RPS6KC1: variants seen among roughly 807,000 people sequenced by gnomAD.
The protein encoded by RPS6KC1 is inactive ribosomal protein S6 kinase delta-1.
In RPS6KC1, 54 loss-of-function variants were observed where a neutral mutation model predicts 103.8. That is an observed-to-expected ratio of 0.52 (90% CI 0.42 to 0.65). The LOEUF (loss-of-function observed/expected upper bound fraction) is 0.65. Among genes scored for constraint, RPS6KC1 ranks in the 30% least tolerant of loss-of-function variants. RPS6KC1 has a pLI of 0.00. For synonymous variants in RPS6KC1, 439 were observed against 438.7 expected (o/e 1.00, Z -0.01); for missense variants, 1,151 against 1,253.8 (o/e 0.92, Z 1.24).
the RPS6KC1 span, among the ~76,000 whole-genome samples, chr1:213,833,535 G>T: frequency 6.6e-6 from 1 of 152,192 alleles, no homozygotes; most frequent in Admixed American, 6.5e-5. Flanking sequence ...GTTTCTCTCT[G>T]TGTGTCTTTG....
chr1:213,257,844 C>T (rs2094687895), intron 12 of RPS6KC1, among the ~76,000 whole-genome samples: 1 of 119,932 alleles, frequency 8.3e-6, no homozygotes, highest in African/African-American at 3.2e-5. Context: ...TACTCTGTCG[C>T]CCAGGCTGGA....
the RPS6KC1 span, among the ~76,000 whole-genome samples, chr1:213,644,619 A>G: frequency 6.6e-6 from 1 of 152,134 alleles, no homozygotes; most frequent in African/African-American, 2.4e-5. Flanking sequence ...GGAATTATAA[A>G]GAATGTAGCC....
At chr1:213,538,626 A>G in the RPS6KC1 span, among the ~76,000 whole-genome samples, 1 of 152,276 alleles carries the variant, frequency 6.6e-6, no homozygotes, top group East Asian at 1.9e-4. Context: ...TTTCTGGAGC[A>G]GAAGGTCAGG....
chr1:213,791,782 A>G, the RPS6KC1 span, among the ~76,000 whole-genome samples: 2 of 152,202 alleles, frequency 1.3e-5, no homozygotes, highest in Non-Finnish European at 2.9e-5. Flanking sequence ...CAGAGGAGTC[A>G]GACCAAGAGT....
intron 12 of RPS6KC1, among the ~76,000 whole-genome samples, chr1:213,254,040 T>A (rs928424305): frequency 6.6e-6 from 1 of 152,208 alleles, no homozygotes; most frequent in African/African-American, 2.4e-5. Context: ...CTGAAAAATA[T>A]CTTGGCTTAT....
the RPS6KC1 span, among the ~76,000 whole-genome samples, chr1:213,858,004 A>G: frequency 6.6e-6 from 1 of 152,180 alleles, no homozygotes; most frequent in South Asian, 2.1e-4. Flanking sequence ...TCTATAAGCA[A>G]TTACCCTTCC....
intron 3 of RPS6KC1, among the ~76,000 whole-genome samples, chr1:213,086,016 A>G (rs986684128): frequency 6.6e-5 from 10 of 151,784 alleles, no homozygotes; most frequent in South Asian, 2.1e-4. Context: ...GAAATCTACC[A>G]TTTCTTCAAG....
At chr1:213,508,147 A>G in the RPS6KC1 span, among the ~76,000 whole-genome samples, 2 of 152,290 alleles carry the variant, frequency 1.3e-5, no homozygotes, top group East Asian at 3.9e-4. Flanking sequence ...TTACATTAAG[A>G]GGGAAATCTA....
the RPS6KC1 span, among the ~76,000 whole-genome samples, chr1:213,627,869 T>C: frequency 3.3e-5 from 5 of 152,244 alleles, no homozygotes; most frequent in Non-Finnish European, 5.9e-5. Context: ...ATCAGGGATA[T>C]TGCTCTAAAA....
At chr1:213,377,372 G>C in the RPS6KC1 span, among the ~76,000 whole-genome samples, 10 of 152,222 alleles carry the variant, frequency 6.6e-5, no homozygotes, top group Non-Finnish European at 1.0e-4. Context: ...TCTGAACTGG[G>C]AGTACCCTAA....
rs2095107121 is a variant in RPS6KC1 at position 213,274,770 on chromosome 1, C to T, written c.*2136C>T. The T allele has an allele frequency of 6.6e-6, 1 of 151,942 alleles. No individual in the cohort carries two copies. The highest frequency in any genetic ancestry group is 2.4e-5 in the African/African-American group (1 of 41,354). 9.4% of individuals were successfully genotyped at this position (151,942 alleles called of 1,614,324 possible). A position where few individuals can be genotyped will look rare whatever the true frequency, so the allele number is the denominator to read the frequency against. Reference sequence around the variant, plus strand: ...GGGTCAAAATCATAAAAGAAGTTGCCATGAGTGTTTCTCATTTGATTTTTT... The same window carrying T: ...GGGTCAAAATCATAAAAGAAGTTGCTATGAGTGTTTCTCATTTGATTTTTT... On this transcript the variant is annotated 3_prime_UTR_variant, in exon 15 of 15. Transcript: ENST00000366960.
intron 8 of RPS6KC1, among the ~76,000 whole-genome samples, chr1:213,213,238 T>C (rs898503182): frequency 7.2e-5 from 11 of 152,246 alleles, no homozygotes; most frequent in Admixed American, 5.2e-4. Flanking sequence ...ATTTTGTTAA[T>C]TTTTGTTAAG....
At chr1:213,313,602 T>C in the RPS6KC1 span, among the ~76,000 whole-genome samples, 1 of 152,258 alleles carries the variant, frequency 6.6e-6, no homozygotes, top group South Asian at 2.1e-4. Context: ...GTCATTTGTA[T>C]GTCTTAGTTC....
Position 213,242,189 on chromosome 1 carries a change from T to C in RPS6KC1, c.2713T>C (p.Cys905Arg). ...LASRFYIPEG[C>R]IQRWAAEMVV... ...CTCCAGGTTTTACATCCCAGAGGGCTGCATTCAAAGATGGGCAGCTGAAAT... is the reference window on the plus strand; with the variant it reads ...CTCCAGGTTTTACATCCCAGAGGGCCGCATTCAAAGATGGGCAGCTGAAAT... Residue 905 changes from cysteine to arginine, a missense_variant, in exon 11 of 15, where the codon TGC becomes CGC. Physicochemically the swap from Cys to Arg is radical, Grantham distance 180 (BLOSUM62 -3). Transcript: ENST00000366960. 6.2e-7 allele frequency: 1 copy of C among 1,614,006 alleles called. No homozygotes were observed. Among genetic ancestry groups the C allele is most frequent in the Non-Finnish European group, 8.5e-7 (1 of 1,179,926 alleles).
rs60840755 is a variant in RPS6KC1 at position 213,209,695 on chromosome 1, C to CAAAA, written c.1045-20779_1045-20776dup. On this transcript the variant is annotated intron_variant, in intron 8 of 14. Transcript: ENST00000366960. ...GGGCAACAAGAGCAAAACTCCGTCTCAAAAAAAAAAAAAAAAAAAAAAAAA... is the reference window on the plus strand; with the variant it reads ...GGGCAACAAGAGCAAAACTCCGTCTCAAAAAAAAAAAAAAAAAAAAAAAAAAAAA... 9.6e-4 allele frequency among the ~76,000 whole-genome samples: 52 copies of CAAAA among 54,128 alleles called. 2 individuals carry two copies. The highest frequency in any genetic ancestry group is 5.3e-3 in the South Asian group (4 of 758). The allele number at this position is 54,128 out of a possible 152,430, so 35.5% of individuals were successfully genotyped here.
the RPS6KC1 span, among the ~76,000 whole-genome samples, chr1:213,334,902 T>C: frequency 6.6e-6 from 1 of 152,216 alleles, no homozygotes; most frequent in Non-Finnish European, 1.5e-5. Flanking sequence ...CTATATATGG[T>C]AACAGGATGC....
rs778803830 is a variant in RPS6KC1 at position 213,241,616 on chromosome 1, A to G, written c.2140A>G (p.Thr714Ala). ...EAAAMGPTKF[T>A]QTNIGIIENK... ...TGCAGCAATGGGACCTACTAAGTTT[A>G]CACAAACTAATATAGGGATAATAGA... The change falls in exon 11 of 15, where the codon ACA (threonine) becomes GCA (alanine). Residue 714 changes from threonine to alanine, a missense_variant. Thr to Ala is a moderately conservative substitution (Grantham distance 58). Around this residue, in one of 3 missense-constraint regions of RPS6KC1, gnomAD observed 959 missense variants for 1,006.3 expected, o/e 0.95. Transcript: ENST00000366960. The G allele has an allele frequency of 1.2e-6, 2 of 1,613,954 alleles. No homozygotes were observed. The highest frequency in any genetic ancestry group is 4.5e-5 in the East Asian group (2 of 44,876).
chr1:213,461,106 A>G, the RPS6KC1 span, among the ~76,000 whole-genome samples: 1 of 152,228 alleles, frequency 6.6e-6, no homozygotes, highest in Non-Finnish European at 1.5e-5. Context: ...TACAAAATCA[A>G]TGTGTAAAAA....
the RPS6KC1 span, among the ~76,000 whole-genome samples, chr1:213,814,435 CA>C: frequency 6.6e-6 from 1 of 152,154 alleles, no homozygotes; most frequent in Non-Finnish European, 1.5e-5. Context: ...GTGGGCATAG[CA>C]AGGAGAGTTA....
Sources: gnomAD v4.1 joint callset for allele counts (sites outside exome capture counted in the v4.1 genomes callset) on GRCh38, gnomAD v4.1.1 for gene constraint, gnomAD v4.1.1 regional missense constraint, MANE v1.5 for transcripts, NCBI Gene and HGNC (gene_info 2026-07-23, HGNC 2026-07-21) for gene names.